WNT7B: variants seen among roughly 807,000 people sequenced by gnomAD.
WNT7B encodes Wnt family member 7B.
WNT7B carries 19 observed loss-of-function variants against 38.2 expected under a neutral mutation model. The observed-to-expected ratio is 0.50, with a 90% CI of 0.35 to 0.73. The LOEUF is 0.73. Ranked by LOEUF, WNT7B falls within the 30% of genes least tolerant of loss-of-function variation. WNT7B has a pLI of 0.01. For synonymous variants in WNT7B, 243 were observed against 209.3 expected (o/e 1.16, Z -1.39); for missense variants, 423 against 507.9 (o/e 0.83, Z 1.61).
chr22:45,933,514 C>T (rs1931432204), intron 2 of WNT7B, among the ~76,000 whole-genome samples: 1 of 152,042 alleles, frequency 6.6e-6, no homozygotes, highest in Non-Finnish European at 1.5e-5. Context: ...CTGCATTCCC[C>T]AAGCACAACA....
At chr22:45,929,884 C>T (rs1429707971) in intron 3 of WNT7B, among the ~76,000 whole-genome samples, 1 of 143,004 alleles carries the variant, frequency 7.0e-6, no homozygotes, top group African/African-American at 3.0e-5. Context: ...AACCATCTAC[C>T]CACTCATCCA....
intron 3 of WNT7B, among the ~76,000 whole-genome samples, chr22:45,929,226 C>G (rs1370564685): frequency 1.3e-5 from 2 of 152,214 alleles, no homozygotes; most frequent in African/African-American, 4.8e-5. Context: ...ACCACACTTT[C>G]CTCTGGACTC....
intron 1 of WNT7B, among the ~76,000 whole-genome samples, chr22:45,950,452 G>C (rs1305570457): frequency 6.6e-6 from 1 of 152,258 alleles, no homozygotes; most frequent in African/African-American, 2.4e-5. Context: ...CACTGAGTCA[G>C]ATACACAGCC....
rs752246677 is a variant in WNT7B at position 45,923,016 on chromosome 22, G to A, written c.890C>T (p.Thr297Met). 2.9e-5 allele frequency: 47 copies of A among 1,612,850 alleles called. No homozygotes were observed. Among genetic ancestry groups the A allele is most frequent in the Middle Eastern group, 3.3e-4 (2 of 6,084 alleles). ...GTCACAGCCGTCCGCGCCGGGCGAC[G>A]TGCGGTTGCAGAGACGGCCCTGCGT... ...VGTQGRLCNR[T>M]SPGADGCDTM... is the part of the protein sequence containing the mutation. Residue 297 changes from threonine to methionine, a missense_variant, in exon 4 of 4, where the codon ACG (threonine) becomes ATG (methionine). Physicochemically the swap from Thr to Met is moderately conservative, Grantham distance 81. Around this residue, in one of 3 missense-constraint regions of WNT7B, gnomAD observed 158 missense variants for 214.7 expected, o/e 0.74. Transcript: ENST00000339464.
At chr22:45,923,357 C>T (rs769869470) in intron 3 of WNT7B, 22 bp from the exon 4 acceptor site, 59 of 1,579,780 alleles carry the variant, frequency 3.7e-5, no homozygotes, top group Non-Finnish European at 5.0e-5. Flanking sequence ...AGGGAAGCTG[C>T]TCGGCACGGC....
rs1287961633 is a variant in WNT7B at position 45,923,192 on chromosome 22, C to T, written c.714G>A (p.Val238=). ...GCAGACGGCTGGCCCGCACCACCTC[C>T]ACCTGCACGGCCGCGTTGTACTTCT... ...LKEKYNAAVQ[V]EVVRASRLRQ... Residue 238 remains valine (V), a synonymous_variant, in exon 4 of 4, where the codon GTG becomes GTA. Coordinates refer to ENST00000339464, the MANE Select transcript of WNT7B (RefSeq NM_058238.3). 1 of 1,613,056 alleles carries T rather than the reference C, an allele frequency of 6.2e-7. No individual in the cohort carries two copies. Among genetic ancestry groups the T allele is most frequent in the Non-Finnish European group, 8.5e-7 (1 of 1,179,978 alleles).
chr22:45,953,042 C>T (rs1211428983), intron 1 of WNT7B, among the ~76,000 whole-genome samples: 3 of 152,232 alleles, frequency 2.0e-5, no homozygotes, highest in Non-Finnish European at 4.4e-5. Context: ...TGCTCAAGCT[C>T]CTGATTCCCT....
chr22:45,972,165 C>T (rs975122893), intron 1 of WNT7B: 2 of 634,790 alleles, frequency 3.2e-6, no homozygotes, highest in Non-Finnish European at 2.9e-6. Context: ...AAGTAGCTGC[C>T]GCTGGACAGG....
chr22:45,965,721 A>G lies in WNT7B; in HGVS notation c.71+10963T>C, dbSNP rs1411812236. ...AGAACAGAAGGCCTCTGGGCTTCCC[A>G]TACCCGCAGGACAGCTGCACCTCTG... On this transcript the variant is annotated intron_variant, in intron 1 of 3. Transcript: ENST00000339464. The surrounding 1 kb of genome is among the most constrained non-coding windows in gnomAD (Gnocchi z 6.5). Among the ~76,000 whole-genome samples, 1 of 152,172 alleles carries G rather than the reference A, an allele frequency of 6.6e-6. No individual in the cohort carries two copies.
At chr22:45,925,890 T>A (rs1931067484) in intron 3 of WNT7B, 2 of 985,292 alleles carry the variant, frequency 2.0e-6, no homozygotes, top group Non-Finnish European at 2.4e-6. Flanking sequence ...GGCCACGTGG[T>A]CTAGGCCCAA....
chr22:45,938,091 G>C (rs1021819169), intron 2 of WNT7B, among the ~76,000 whole-genome samples: 3 of 152,130 alleles, frequency 2.0e-5, no homozygotes, highest in African/African-American at 7.2e-5. Context: ...ACGGGTGAAG[G>C]GATAAAGAAA....
chr22:45,945,031 C>T (rs543085469), intron 2 of WNT7B, among the ~76,000 whole-genome samples: 8 of 152,316 alleles, frequency 5.3e-5, no homozygotes, highest in South Asian at 2.1e-4. Context: ...CGCAGGTGTC[C>T]GCTGAAATTT....
intron 3 of WNT7B, 36 bp downstream of exon 3, chr22:45,931,062 C>G: frequency 1.3e-6 from 2 of 1,531,666 alleles, no homozygotes; most frequent in Non-Finnish European, 1.8e-6. Context: ...ACAGCGGTCC[C>G]AGCTACGGCC....
chr22:45,947,591 G>A (rs949694496), intron 2 of WNT7B, among the ~76,000 whole-genome samples: 3 of 152,198 alleles, frequency 2.0e-5, no homozygotes, highest in Admixed American at 6.5e-5. Flanking sequence ...CGGGGCGAGG[G>A]GGCCAAGGTG....
Position 45,932,002 on chromosome 22 carries a change from G to A in WNT7B, c.299-633C>T, listed in dbSNP as rs566177257. 1.2e-4 allele frequency among the ~76,000 whole-genome samples: 19 copies of A among 152,212 alleles called. No homozygotes were observed. The East Asian group carries it at 2.9e-3, about 23-fold the overall frequency. On this transcript the variant is annotated intron_variant, in intron 2 of 3. Transcript: ENST00000339464. ...GCCTTCAGTCCGTCTCCAGATCCTCGGCCCATTTTCCTCACTTCCTCCTAA... is the reference window on the plus strand; with the variant it reads ...GCCTTCAGTCCGTCTCCAGATCCTCAGCCCATTTTCCTCACTTCCTCCTAA...
Position 45,922,987 on chromosome 22 carries a change from T to C in WNT7B, c.919A>G (p.Met307Val). The change falls in exon 4 of 4, where the codon ATG becomes GTG. Residue 307 changes from methionine to valine, a missense_variant. By Grantham distance (21) the Met-to-Val change is conservative. Around this residue, in one of 3 missense-constraint regions of WNT7B, gnomAD observed 158 missense variants for 214.7 expected, o/e 0.74. Transcript: ENST00000339464. Reference sequence around the variant, plus strand: ...GTGTTGTAGCCTCGGCCGCAGCACATGGTGTCACAGCCGTCCGCGCCGGGC... The same window carrying C: ...GTGTTGTAGCCTCGGCCGCAGCACACGGTGTCACAGCCGTCCGCGCCGGGC... Reference protein sequence around the residue: ...TSPGADGCDTMCCGRGYNTHQ... With the variant: ...TSPGADGCDTVCCGRGYNTHQ... The C allele has an allele frequency of 1.2e-6, 2 of 1,613,242 alleles. No homozygotes were observed. Among genetic ancestry groups the C allele is most frequent in the Non-Finnish European group, 1.7e-6 (2 of 1,179,838 alleles).
At chr22:45,925,267 G>T in intron 3 of WNT7B, 4 of 985,328 alleles carry the variant, frequency 4.1e-6, no homozygotes, top group Non-Finnish European at 4.8e-6. Flanking sequence ...TGGCAGGTGG[G>T]TGCCGGGTGG....
rs1330524414 is a variant in WNT7B, at chr22:45,922,992, TCA to T, written c.912_913del (p.Cys304Ter). On this transcript the variant is annotated stop_gained and frameshift_variant, in exon 4 of 4. Transcript: ENST00000339464. LOFTEE classifies it high-confidence loss of function. ...GTAGCCTCGGCCGCAGCACATGGTGTCACAGCCGTCCGCGCCGGGCGACGTGC... is the reference window on the plus strand; with the variant it reads ...GTAGCCTCGGCCGCAGCACATGGTGTCAGCCGTCCGCGCCGGGCGACGTGC... The T allele has an allele frequency of 6.2e-7, 1 of 1,613,042 alleles. No individual in the cohort carries two copies.
At chr22:45,958,681 C>A (rs567321886) in intron 1 of WNT7B, among the ~76,000 whole-genome samples, 2 of 152,178 alleles carry the variant, frequency 1.3e-5, no homozygotes, top group African/African-American at 4.8e-5. Context: ...AGGCAGGGAG[C>A]GAGCACGGCT....
Sources: allele counts gnomAD v4.1 joint callset (sites outside exome capture counted in the v4.1 genomes callset), GRCh38; gene constraint gnomAD v4.1.1; regional missense constraint gnomAD v4.1.1; non-coding constraint Gnocchi (gnomAD v3.1); transcripts MANE v1.5; gene names NCBI Gene and HGNC (gene_info 2026-07-23, HGNC 2026-07-21).